DOCK5: variants seen among roughly 807,000 people sequenced by gnomAD.
DOCK5 encodes dedicator of cytokinesis protein 5.
In DOCK5, 142 loss-of-function variants were observed where a neutral mutation model predicts 251.8. The ratio of observed to expected loss-of-function variants is 0.56; its 90% confidence interval spans 0.49 to 0.65. The LOEUF is 0.65. DOCK5 is among the 30% of genes least tolerant of loss of function. DOCK5 has a pLI of 0.00. For synonymous variants in DOCK5, 842 were observed against 835.5 expected (o/e 1.01, Z -0.13); for missense variants, 2,111 against 2,312.3 (o/e 0.91, Z 1.79).
At chr8:25,409,554 C>T (rs1801580907) in intron 50 of DOCK5, 1 of 154,954 alleles carries the variant, frequency 6.5e-6, no homozygotes. Context: ...AAACCCTGAA[C>T]AAAAAAAGTT....
chr8:25,284,879 G>T (rs1474212723), intron 5 of DOCK5, among the ~76,000 whole-genome samples: 3 of 152,246 alleles, frequency 2.0e-5, no homozygotes, highest in Non-Finnish European at 2.9e-5. Flanking sequence ...TAGGGCAAGA[G>T]TTTTCAAATA....
chr8:25,300,039 G>T (rs1046856208), intron 8 of DOCK5, among the ~76,000 whole-genome samples: 1 of 152,110 alleles, frequency 6.6e-6, no homozygotes, highest in African/African-American at 2.4e-5. Flanking sequence ...CCAAGTAGCT[G>T]GGATTACAGG....
rs187957288 is a variant in DOCK5 at position 25,221,122 on chromosome 8, C to A, written c.44-22552C>A. Among the ~76,000 whole-genome samples the A allele has an allele frequency of 2.5e-3, 387 of 152,220 alleles. 2 individuals are homozygous for A. The highest frequency in any genetic ancestry group is 8.8e-3 in the African/African-American group (367 of 41,536). On this transcript the variant is annotated intron_variant, in intron 1 of 51. Transcript: ENST00000276440. ...TTCTACAGTTCATTTTTCAGTCCCC[C>A]CCATTGTTGGGTATTTAGCTTGTTT...
intron 17 of DOCK5, 66 bp from the exon 18 acceptor site, chr8:25,325,298 A>G: frequency 3.9e-6 from 6 of 1,532,288 alleles, no homozygotes; most frequent in Non-Finnish European, 5.3e-6. Flanking sequence ...CATGATAGAA[A>G]TTGTTTTTAT....
At chr8:25,332,722 T>C (rs376374276) in intron 20 of DOCK5, 30 bp downstream of exon 20, 6 of 1,531,440 alleles carry the variant, frequency 3.9e-6, no homozygotes, top group Non-Finnish European at 5.3e-6. Flanking sequence ...AACTAGTGTT[T>C]ATTGTTGCAA....
At chr8:25,351,379 G>T in intron 26 of DOCK5, 1 of 231,762 alleles carries the variant, frequency 4.3e-6, no homozygotes, top group Non-Finnish European at 8.7e-6. Flanking sequence ...ATTCTAATCT[G>T]CTCAACCTCA....
intron 2 of DOCK5, among the ~76,000 whole-genome samples, chr8:25,258,816 G>C (rs1490317262): frequency 3.9e-5 from 6 of 152,082 alleles, no homozygotes; most frequent in African/African-American, 1.4e-4. Context: ...TCCCTGTTTT[G>C]ATCATTAAAA....
chr8:25,202,225 C>T (rs1375827776), intron 1 of DOCK5, among the ~76,000 whole-genome samples: 1 of 152,096 alleles, frequency 6.6e-6, no homozygotes, highest in East Asian at 1.9e-4. Flanking sequence ...GCCATGTTGG[C>T]CAGGCTGGTC....
chr8:25,384,465 T>TTTTA lies in DOCK5; in HGVS notation c.4131+1690_4131+1691insATTT, dbSNP rs1554504713. On this transcript the variant is annotated intron_variant, in intron 40 of 51. Coordinates refer to ENST00000276440, the MANE Select transcript of DOCK5 (RefSeq NM_024940.8). ...TTTATTTATTTATTTATTTATTTAT[T>TTTTA]TTTTTTTTTTTTGAGACAGTGTCTC... Among the ~76,000 whole-genome samples the TTTTA allele has an allele frequency of 1.4e-3, 139 of 96,456 alleles. 3 individuals are homozygous for TTTTA. Among genetic ancestry groups the TTTTA allele is most frequent in the Non-Finnish European group, 5.8e-4 (24 of 41,294 alleles). 63.3% of individuals were successfully genotyped at this position (96,456 alleles called of 152,430 possible).
At chr8:25,280,140 G>GT (rs1218171154) in intron 5 of DOCK5, among the ~76,000 whole-genome samples, 3 of 152,234 alleles carry the variant, frequency 2.0e-5, no homozygotes, top group Non-Finnish European at 4.4e-5. Context: ...TCTTGCCTCT[G>GT]TTAGTGGGTT....
chr8:25,315,443 C>T (rs1456980755), intron 13 of DOCK5, among the ~76,000 whole-genome samples: 1 of 152,196 alleles, frequency 6.6e-6, no homozygotes, highest in African/African-American at 2.4e-5. Flanking sequence ...TAGACTGTAA[C>T]CTGAGTTGGG....
At chr8:25,385,510 A>C (rs1801149962) in intron 40 of DOCK5, among the ~76,000 whole-genome samples, 2 of 152,148 alleles carry the variant, frequency 1.3e-5, no homozygotes, top group South Asian at 4.1e-4. Context: ...TGGAGGGGGT[A>C]GTTGAACCAT....
At chr8:25,403,150 C>G (rs1259062988) in intron 47 of DOCK5, among the ~76,000 whole-genome samples, 1 of 152,200 alleles carries the variant, frequency 6.6e-6, no homozygotes, top group Non-Finnish European at 1.5e-5. Context: ...AGCTGCATGT[C>G]TACAGTGTCA....
At chr8:25,334,221 ATGT>A in intron 21 of DOCK5, 25 bp downstream of exon 21, 1 of 1,561,268 alleles carries the variant, frequency 6.4e-7, no homozygotes, top group South Asian at 1.1e-5. Context: ...AAGGAACTAC[ATGT>A]TGTTGGATCT....
At chr8:25,391,321 C>T (rs982992628) in intron 42 of DOCK5, among the ~76,000 whole-genome samples, 2 of 151,754 alleles carry the variant, frequency 1.3e-5, no homozygotes, top group Non-Finnish European at 2.9e-5. Context: ...CTCTGCCTCC[C>T]GAAGTGGTAG....
Position 25,369,598 on chromosome 8 carries a change from G to A in DOCK5, c.3481G>A (p.Gly1161Arg), listed in dbSNP as rs1440338772. The A allele has an allele frequency of 2.5e-6, 4 of 1,611,824 alleles. No individual in the cohort carries two copies. Among genetic ancestry groups the A allele is most frequent in the Non-Finnish European group, 3.4e-6 (4 of 1,178,984 alleles). The change falls in exon 34 of 52, where the codon GGG becomes AGG. Residue 1161 changes from glycine to arginine, a missense_variant. Transcript: ENST00000276440. ...LITKLDQEVE[G>R]GRGDEQYKVL... is the part of the protein sequence containing the mutation. The stretch of plus-strand genomic sequence containing the variant: ...CACAAAGCTGGACCAGGAGGTAGAA[G>A]GGGGCAGAGGAGACGAACAATACAA...
At chr8:25,290,198 T>C (rs780098673) in intron 5 of DOCK5, among the ~76,000 whole-genome samples, 26 of 152,110 alleles carry the variant, frequency 1.7e-4, no homozygotes, top group Non-Finnish European at 3.5e-4. Context: ...AAAATTAAAA[T>C]GAAGACATCA....
intron 51 of DOCK5, among the ~76,000 whole-genome samples, 200 bp downstream of exon 51, chr8:25,410,402 A>G (rs1801600962): frequency 6.6e-6 from 1 of 151,826 alleles, no homozygotes; most frequent in Non-Finnish European, 1.5e-5. Context: ...ATGAAGGTAG[A>G]GGCAGGTGTT....
chr8:25,320,137 T>C (rs934239429), intron 15 of DOCK5, among the ~76,000 whole-genome samples: 1 of 152,204 alleles, frequency 6.6e-6, no homozygotes, highest in Non-Finnish European at 1.5e-5. Context: ...CCATCTTTCA[T>C]ATTAGGTACT....
Sources: gnomAD v4.1 joint callset for allele counts (sites outside exome capture counted in the v4.1 genomes callset) on GRCh38, gnomAD v4.1.1 for gene constraint, MANE v1.5 for transcripts, NCBI Gene and HGNC (gene_info 2026-07-23, HGNC 2026-07-21) for gene names.